PAXIP1: variants seen among roughly 807,000 people sequenced by gnomAD.
PAXIP1 encodes the protein PAX-interacting protein 1.
In PAXIP1, 19 loss-of-function variants were observed where a neutral mutation model predicts 140.6. That is an observed-to-expected ratio of 0.14 (90% CI 0.09 to 0.20). The LOEUF (loss-of-function observed/expected upper bound fraction) is 0.20. PAXIP1 is among the 10% of genes least tolerant of loss of function. The pLI, the probability that PAXIP1 is intolerant of heterozygous loss-of-function variation, is 1.00. For synonymous variants in PAXIP1, 442 were observed against 444.6 expected (o/e 0.99, Z 0.07); for missense variants, 920 against 1,208.6 (o/e 0.76, Z 3.54).
Position 154,976,237 on chromosome 7 carries a change from T to A in PAXIP1, c.533A>T (p.Glu178Val). The change falls in exon 6 of 21, where the codon GAA becomes GTA. Residue 178 changes from glutamate to valine, a missense_variant. Glu to Val is a moderately radical substitution (Grantham distance 121). Transcript: ENST00000404141. ...AATCAGACGAGGATGATAAAATGCTTCGTCCTTTTTGGTTTTCTCTGATAC... is the reference window on the plus strand; with the variant it reads ...AATCAGACGAGGATGATAAAATGCTACGTCCTTTTTGGTTTTCTCTGATAC... ...DCVSEKTKKD[E>V]AFYHPRLIIY... The A allele has an allele frequency of 3.1e-6, 5 of 1,613,998 alleles. No individual in the cohort carries two copies. The highest frequency in any genetic ancestry group is 4.2e-6 in the Non-Finnish European group (5 of 1,179,880).
chr7:154,946,605 A>G lies in PAXIP1; in HGVS notation c.3058-18T>C, dbSNP rs1382248864. On this transcript the variant is annotated intron_variant, in intron 18 of 20. Transcript: ENST00000404141. This position sits in a 1 kb window ranked among gnomAD's most constrained non-coding sequence, Gnocchi z 4.9. The stretch of plus-strand genomic sequence containing the variant: ...GACAAACTCTAAGGAAAAGAAAATG[A>G]GTTTCTCAGTGACCGAACGCTGAAT... 6.2e-7 allele frequency: 1 copy of G among 1,613,314 alleles called. No individual in the cohort carries two copies. Among genetic ancestry groups the G allele is most frequent in the Non-Finnish European group, 8.5e-7 (1 of 1,179,330 alleles).
At chr7:154,993,608 A>T (rs1157584278) in intron 3 of PAXIP1, 118 bp downstream of exon 3, 10 of 765,498 alleles carry the variant, frequency 1.3e-5, no homozygotes, top group Admixed American at 2.7e-5. Context: ...TATAAGATGT[A>T]GACAAAACAA....
chr7:155,003,217 G>A (rs114076169), upstream of PAXIP1: 1 of 149,702 alleles, frequency 6.7e-6, no homozygotes, highest in Non-Finnish European at 1.5e-5. Context: ...GTGACGCCCC[G>A]CGCCTCTGCC....
At chr7:154,952,426 T>G (rs1808313559) in intron 16 of PAXIP1, among the ~76,000 whole-genome samples, 1 of 152,214 alleles carries the variant, frequency 6.6e-6, no homozygotes, top group African/African-American at 2.4e-5. Context: ...TGTGATCTAT[T>G]TAGTGCTATT....
At chr7:154,950,148 C>A (rs1348045456) in intron 16 of PAXIP1, 1 of 151,984 alleles carries the variant, frequency 6.6e-6, no homozygotes, top group Non-Finnish European at 1.5e-5. Context: ...AATATAAAAT[C>A]CCAAAAACAT....
rs1809437988 is a variant in PAXIP1, at chr7:154,973,711, C to A, written c.1074+1985G>T. The stretch of plus-strand genomic sequence containing the variant: ...TACGTAAACCACTGCTATTATCATA[C>A]CCAATAAAATGATCATTGTCAACAT... On this transcript the variant is annotated intron_variant, in intron 6 of 20. Transcript: ENST00000404141. This position sits in a 1 kb window ranked among gnomAD's most constrained non-coding sequence, Gnocchi z 4.0. Among the ~76,000 whole-genome samples the A allele has an allele frequency of 6.6e-6, 1 of 152,160 alleles. No homozygotes were observed. Among genetic ancestry groups the A allele is most frequent in the South Asian group, 2.1e-4 (1 of 4,824 alleles).
chr7:154,981,256 A>G (rs1809830509), intron 5 of PAXIP1, among the ~76,000 whole-genome samples: 1 of 152,224 alleles, frequency 6.6e-6, no homozygotes, highest in Non-Finnish European at 1.5e-5. Context: ...GCAGCACTGT[A>G]CTGGCACTTA....
chr7:154,986,288 T>A lies in PAXIP1; in HGVS notation c.325-2956A>T. The A allele has an allele frequency of 1.5e-6, 1 of 657,480 alleles. No individual in the cohort carries two copies. Among genetic ancestry groups the A allele is most frequent in the Non-Finnish European group, 2.2e-6 (1 of 447,564 alleles). 40.7% of individuals were successfully genotyped at this position (657,480 alleles called of 1,614,324 possible). Reference sequence around the variant, plus strand: ...TGTGAGTGTGTGTGCGCATGGGTGCTCCAGTGTGCAGAAAAGGTGCAGATC... The same window carrying A: ...TGTGAGTGTGTGTGCGCATGGGTGCACCAGTGTGCAGAAAAGGTGCAGATC... On this transcript the variant is annotated intron_variant, in intron 4 of 20. Transcript: ENST00000404141. The surrounding 1 kb of genome is among the most constrained non-coding windows in gnomAD (Gnocchi z 4.8).
intron 1 of PAXIP1, 65 bp from the exon 2 acceptor site, chr7:154,998,849 G>C (rs1810758681): frequency 7.2e-7 from 1 of 1,381,736 alleles, no homozygotes; most frequent in African/African-American, 1.4e-5. Flanking sequence ...TTGAATTACA[G>C]AAATAATTAT....
intron 14 of PAXIP1, chr7:154,957,009 C>T (rs948782076): frequency 5.1e-6 from 2 of 390,778 alleles, no homozygotes; most frequent in Non-Finnish European, 9.0e-6. Context: ...TAATATGCCA[C>T]TTAAAGAAAA....
At chr7:154,983,482 G>T in intron 4 of PAXIP1, 150 bp from the exon 5 acceptor site, 1 of 573,740 alleles carries the variant, frequency 1.7e-6, no homozygotes, top group South Asian at 2.2e-5. Context: ...GAAGCTTTTA[G>T]CTATCTGCTT....
At chr7:154,977,773 A>C (rs1465134694) in intron 5 of PAXIP1, among the ~76,000 whole-genome samples, 1 of 151,206 alleles carries the variant, frequency 6.6e-6, no homozygotes, top group African/African-American at 2.4e-5. Flanking sequence ...TAAAAGGGCA[A>C]AGGGAAAAAA....
Position 154,975,867 on chromosome 7 carries a change from A to T in PAXIP1, c.903T>A (p.Gly301=). The T allele has an allele frequency of 6.2e-7, 1 of 1,613,976 alleles. No homozygotes were observed. The highest frequency in any genetic ancestry group is 8.5e-7 in the Non-Finnish European group (1 of 1,179,894). The change falls in exon 6 of 21, where the codon GGT becomes GGA. Residue 301 remains glycine (G), a synonymous_variant. Coordinates refer to ENST00000404141, the MANE Select transcript of PAXIP1 (RefSeq NM_007349.4). ...NLCANVPPVP[G]NILPPEVRGN... Reference sequence around the variant, plus strand: ...CCCGGACCTCAGGGGGCAAAATGTTACCTGGGACGGGTGGGACATTGGCAC... The same window carrying T: ...CCCGGACCTCAGGGGGCAAAATGTTTCCTGGGACGGGTGGGACATTGGCAC...
intron 16 of PAXIP1, among the ~76,000 whole-genome samples, chr7:154,953,033 A>AT (rs1808342418): frequency 6.6e-6 from 1 of 152,258 alleles, no homozygotes; most frequent in Non-Finnish European, 1.5e-5. Context: ...ATAAACATGA[A>AT]TTATATTTAA....
At chr7:154,994,892 G>C (rs1424148985) in intron 2 of PAXIP1, among the ~76,000 whole-genome samples, 1 of 152,102 alleles carries the variant, frequency 6.6e-6, no homozygotes, top group African/African-American at 2.4e-5. Context: ...TTAATTTTTC[G>C]ATCTATGTGC....
intron 5 of PAXIP1, among the ~76,000 whole-genome samples, chr7:154,982,675 C>T (rs181590330): frequency 6.6e-5 from 10 of 152,256 alleles, no homozygotes; most frequent in African/African-American, 2.4e-4. Flanking sequence ...CTAACAAGTC[C>T]CCAAGGGGGG....
chr7:154,971,192 C>CA (rs1469417766), intron 6 of PAXIP1, among the ~76,000 whole-genome samples: 3 of 152,222 alleles, frequency 2.0e-5, no homozygotes, highest in Non-Finnish European at 4.4e-5. Flanking sequence ...CTAGGTAGGA[C>CA]AGGAGGCAAC....
Position 154,976,010 on chromosome 7 carries a change from C to G in PAXIP1, c.760G>C (p.Asp254His), listed in dbSNP as rs1269969800. ...CTCTCCTGTTTTTCCGGTGATGAAT[C>G]TGAAGAATCATCAAACATTAATTCC... ...KGELMFDDSS[D>H]SSPEKQERNL... Residue 254 changes from aspartate to histidine, a missense_variant, in exon 6 of 21, where the codon GAT becomes CAT. By Grantham distance (81) the Asp-to-His change is moderately conservative (BLOSUM62 -1). Transcript: ENST00000404141. The G allele has an allele frequency of 6.2e-7, 1 of 1,612,986 alleles. No homozygotes were observed. The highest frequency in any genetic ancestry group is 8.5e-7 in the Non-Finnish European group (1 of 1,179,306).
At chr7:154,958,773 C>T (rs1808638634) in intron 13 of PAXIP1, among the ~76,000 whole-genome samples, 1 of 152,174 alleles carries the variant, frequency 6.6e-6, no homozygotes, top group Non-Finnish European at 1.5e-5. Flanking sequence ...CCCCTGACAA[C>T]TTTAGAATAT....
Sources: gnomAD v4.1 joint callset for allele counts (sites outside exome capture counted in the v4.1 genomes callset) on GRCh38, gnomAD v4.1.1 for gene constraint, Gnocchi (gnomAD v3.1) non-coding constraint, MANE v1.5 for transcripts, NCBI Gene and HGNC (gene_info 2026-07-23, HGNC 2026-07-21) for gene names.